GPC5: variants seen among roughly 807,000 people sequenced by gnomAD.
The protein encoded by GPC5 is glypican 5.
Under a neutral mutation model 53.9 loss-of-function variants are expected in GPC5, and 47 were observed. The observed-to-expected ratio is 0.87, with a 90% CI of 0.69 to 1.11. The LOEUF is 1.11. Ranked by LOEUF, GPC5 falls within the 50% of genes most tolerant of loss-of-function variation. GPC5 has a pLI of 0.00. For synonymous variants in GPC5, 286 were observed against 263.3 expected (o/e 1.09, Z -0.84); for missense variants, 748 against 713.1 (o/e 1.05, Z -0.56).
chr13:92,409,963 G>A (rs1267738121), intron 7 of GPC5, among the ~76,000 whole-genome samples: 1 of 152,146 alleles, frequency 6.6e-6, no homozygotes, highest in Admixed American at 6.5e-5. Flanking sequence ...GTAAAAATAA[G>A]GTGTGTATGT....
chr13:92,046,189 C>T (rs1292732599), intron 6 of GPC5, among the ~76,000 whole-genome samples: 1 of 151,986 alleles, frequency 6.6e-6, no homozygotes, highest in Non-Finnish European at 1.5e-5. Flanking sequence ...ATCACAATTA[C>T]CTATCTATGA....
intron 7 of GPC5, among the ~76,000 whole-genome samples, chr13:92,205,876 C>T (rs538692978): frequency 2.0e-5 from 3 of 151,838 alleles, no homozygotes; most frequent in South Asian, 4.2e-4. Flanking sequence ...GCGAAAGCCC[C>T]GCTCTACTAA....
chr13:91,964,570 C>G (rs2040162633), intron 6 of GPC5, among the ~76,000 whole-genome samples: 1 of 152,150 alleles, frequency 6.6e-6, no homozygotes, highest in South Asian at 2.1e-4. Context: ...TAGCTAGACA[C>G]AGAGCACTGA....
At chr13:91,920,924 CTCTTTTTTTTTTTTTTTTT>C (rs1432143691) in intron 6 of GPC5, among the ~76,000 whole-genome samples, 2 of 59,594 alleles carry the variant, frequency 3.4e-5, no homozygotes, top group East Asian at 6.8e-4. Flanking sequence ...CTCTCTCTCT[CTCTTTTTTTTTTTTTTTTT>C]TTTTTTTTTT....
intron 7 of GPC5, among the ~76,000 whole-genome samples, chr13:92,465,535 C>G (rs1200990509): frequency 1.3e-5 from 2 of 151,964 alleles, no homozygotes; most frequent in African/African-American, 2.4e-5. Flanking sequence ...ATCTATTATG[C>G]TATCTTATAG....
intron 2 of GPC5, among the ~76,000 whole-genome samples, chr13:91,662,355 G>A (rs1184618410): frequency 2.0e-5 from 3 of 152,164 alleles, no homozygotes; most frequent in Admixed American, 6.5e-5. Context: ...CAACTGATTT[G>A]GCAATCAAAT....
intron 7 of GPC5, among the ~76,000 whole-genome samples, chr13:92,299,719 G>T (rs1227741971): frequency 6.6e-6 from 1 of 152,124 alleles, no homozygotes; most frequent in Non-Finnish European, 1.5e-5. Context: ...TTGTAACCAT[G>T]TGTTGTCATC....
At chr13:92,122,136 ATTACT>A (rs1339400899) in intron 6 of GPC5, among the ~76,000 whole-genome samples, 1 of 152,196 alleles carries the variant, frequency 6.6e-6, no homozygotes, top group Non-Finnish European at 1.5e-5. Flanking sequence ...TCAAGCAGTA[ATTACT>A]TTGCCCAGGA....
chr13:92,011,858 C>G (rs567059598), intron 6 of GPC5, among the ~76,000 whole-genome samples: 36 of 152,320 alleles, frequency 2.4e-4, no homozygotes, highest in African/African-American at 8.4e-4. Flanking sequence ...AGAATCTGCA[C>G]TACCACAATT....
At chr13:91,955,357 T>C (rs1465149389) in intron 6 of GPC5, among the ~76,000 whole-genome samples, 1 of 152,216 alleles carries the variant, frequency 6.6e-6, no homozygotes, top group African/African-American at 2.4e-5. Context: ...TGTTATATTG[T>C]GGAAGATGGC....
intron 2 of GPC5, among the ~76,000 whole-genome samples, chr13:91,579,021 G>A (rs2032246586): frequency 1.3e-5 from 2 of 152,124 alleles, no homozygotes; most frequent in Non-Finnish European, 1.5e-5. Context: ...ACTCCAGCCT[G>A]GGTGACAAAA....
At chr13:92,151,187 C>T (rs1462096608) in intron 7 of GPC5, among the ~76,000 whole-genome samples, 1 of 151,976 alleles carries the variant, frequency 6.6e-6, no homozygotes, top group Non-Finnish European at 1.5e-5. Flanking sequence ...AAATTGAGAG[C>T]TTACTAAGTA....
At chr13:92,290,748 G>A (rs916568316) in intron 7 of GPC5, among the ~76,000 whole-genome samples, 15 of 152,196 alleles carry the variant, frequency 9.9e-5, no homozygotes, top group Non-Finnish European at 1.9e-4. Context: ...GCTCTCGCTC[G>A]CTCTCGGCGC....
At chr13:91,651,400 A>G (rs1026906850) in intron 2 of GPC5, among the ~76,000 whole-genome samples, 5 of 152,152 alleles carry the variant, frequency 3.3e-5, no homozygotes, top group African/African-American at 9.7e-5. Flanking sequence ...GTTTAACTCT[A>G]TGTGCACTTT....
At chr13:91,497,740 A>G (rs1330166613) in intron 2 of GPC5, among the ~76,000 whole-genome samples, 1 of 152,216 alleles carries the variant, frequency 6.6e-6, no homozygotes, top group Non-Finnish European at 1.5e-5. Flanking sequence ...CAACATGAGG[A>G]TTTATAAAGA....
At chr13:91,763,538 A>T (rs1050963085) in intron 5 of GPC5, among the ~76,000 whole-genome samples, 2 of 152,204 alleles carry the variant, frequency 1.3e-5, no homozygotes, top group African/African-American at 4.8e-5. Flanking sequence ...TGACAAAAAT[A>T]AAAATTGCAG....
chr13:92,181,392 A>T (rs1018244587), intron 7 of GPC5, among the ~76,000 whole-genome samples: 5 of 152,232 alleles, frequency 3.3e-5, no homozygotes, highest in Non-Finnish European at 5.9e-5. Context: ...GAATGAATAA[A>T]ATCAAGCAAA....
At chr13:92,065,336 C>G (rs575728833) in intron 6 of GPC5, among the ~76,000 whole-genome samples, 2 of 152,250 alleles carry the variant, frequency 1.3e-5, no homozygotes, top group South Asian at 4.1e-4. Context: ...GAAATTACTT[C>G]CCTGACTGCA....
At chr13:91,488,326 T>C (rs1883732926) in intron 2 of GPC5, among the ~76,000 whole-genome samples, 1 of 152,138 alleles carries the variant, frequency 6.6e-6, no homozygotes, top group Non-Finnish European at 1.5e-5. Flanking sequence ...TTCTTTATAA[T>C]TCCAAAAAAA....
Sources: allele counts gnomAD v4.1 joint callset (sites outside exome capture counted in the v4.1 genomes callset), GRCh38; gene constraint gnomAD v4.1.1; transcripts MANE v1.5; gene names NCBI Gene and HGNC (gene_info 2026-07-23, HGNC 2026-07-21).